ZNF350: variants seen among roughly 807,000 people sequenced by gnomAD.
The protein encoded by ZNF350 is zinc finger protein 350, also known as KRAB zinc finger protein ZFQR.
A neutral mutation model predicts 13.1 loss-of-function variants in ZNF350; 5 were observed. That is an observed-to-expected ratio of 0.38 (90% CI 0.20 to 0.80). ZNF350 has a LOEUF of 0.80. Among genes scored for constraint, ZNF350 ranks in the 30% least tolerant of loss-of-function variants. ZNF350 has a pLI of 0.43. For missense variants in ZNF350, 534 were observed against 644.2 expected (o/e 0.83, Z 1.85); for synonymous variants, 199 against 224.2 (o/e 0.89, Z 1.00).
intron 2 of ZNF350, 161 bp downstream of exon 2, chr19:51,974,185 A>T: frequency 1.5e-6 from 1 of 658,244 alleles, no homozygotes; most frequent in Non-Finnish European, 2.5e-6. Flanking sequence ...TCCTTATCCT[A>T]CTATTTTGCA....
intron 1 of ZNF350, chr19:51,982,049 G>T (rs1039234612): frequency 1.3e-5 from 2 of 151,606 alleles, no homozygotes; most frequent in African/African-American, 4.8e-5. Context: ...AAAGAAAAAA[G>T]AAAAAATTAA....
At chr19:51,967,899 T>G (rs114774453) in intron 4 of ZNF350, among the ~76,000 whole-genome samples, 2,002 of 150,734 alleles carry the variant, frequency 0.013, 46 homozygotes, top group African/African-American at 0.047. Context: ...CAGGGGAGAG[T>G]TGCCATGAAG....
At chr19:51,986,271 C>G (rs552360105) in intron 1 of ZNF350, among the ~76,000 whole-genome samples, 4 of 152,202 alleles carry the variant, frequency 2.6e-5, no homozygotes, top group East Asian at 3.9e-4. Flanking sequence ...AGGTTCGAAC[C>G]TCAACCCAGG....
At chr19:51,982,986 G>A (rs2086081254) in intron 1 of ZNF350, among the ~76,000 whole-genome samples, 1 of 152,158 alleles carries the variant, frequency 6.6e-6, no homozygotes, top group African/African-American at 2.4e-5. Flanking sequence ...AGATCAGACT[G>A]TTACTGTGTC....
At chr19:51,983,136 A>C (rs186477444) in intron 1 of ZNF350, among the ~76,000 whole-genome samples, 7 of 152,326 alleles carry the variant, frequency 4.6e-5, no homozygotes, top group Non-Finnish European at 1.0e-4. Context: ...TCAAGGTTTA[A>C]TGGATTTAGG....
chr19:51,968,623 G>A lies in ZNF350; in HGVS notation c.193C>T (p.Gln65Ter). 6.2e-7 allele frequency: 1 copy of A among 1,614,074 alleles called. No homozygotes were observed. The change falls in exon 4 of 5, where the codon CAA becomes TAA. Residue 65 changes from glutamine to a stop codon, truncating the protein, a stop_gained. Coordinates refer to ENST00000243644, the MANE Select transcript of ZNF350 (RefSeq NM_021632.4). LOFTEE classifies it low-confidence loss of function (END_TRUNC). The part of the protein sequence containing the change: ...DALFKLEQGE[Q>*]LWTIEDGIHS... ...ATTCCATCTTCAATTGTCCACAGTT[G>A]TTCTCCTTGTTCCAACTTGAAGAGT...
chr19:51,967,758 A>G (rs187472536), intron 4 of ZNF350, among the ~76,000 whole-genome samples: 1 of 152,204 alleles, frequency 6.6e-6, no homozygotes. Flanking sequence ...AGACCTTTAA[A>G]GAAGAGAGCT....
intron 1 of ZNF350, among the ~76,000 whole-genome samples, chr19:51,978,615 C>T (rs1370306870): frequency 6.6e-6 from 1 of 152,132 alleles, no homozygotes; most frequent in Non-Finnish European, 1.5e-5. Context: ...ATAGACCTAC[C>T]TGTGTAGTAC....
Position 51,968,410 on chromosome 19 carries a change from G to GT in ZNF350, c.238+167dup, listed in dbSNP as rs142306487. On this transcript the variant is annotated intron_variant, in intron 4 of 4. Transcript: ENST00000243644. Reference sequence around the variant, plus strand: ...AGATAAAGAGTTTTTGTTTTGTTTTGTTTTTTTTTAACTCTAAATTCCTAC... The same window carrying GT: ...AGATAAAGAGTTTTTGTTTTGTTTTGTTTTTTTTTTAACTCTAAATTCCTAC... 2,511 of 620,708 alleles carry GT rather than the reference G, an allele frequency of 4.0e-3. 8 individuals are homozygous for GT. The highest frequency in any genetic ancestry group is 0.02 in the African/African-American group (1,074 of 53,536). 38.5% of individuals were successfully genotyped at this position (620,708 alleles called of 1,614,324 possible). A position where few individuals can be genotyped will look rare whatever the true frequency, so the allele number is the denominator to read the frequency against.
At chr19:51,975,859 G>A (rs570298616) in intron 1 of ZNF350, among the ~76,000 whole-genome samples, 26 of 152,360 alleles carry the variant, frequency 1.7e-4, no homozygotes, top group Non-Finnish European at 3.2e-4. Context: ...GAGTAGCTGA[G>A]TTTACAGGCA....
At chr19:51,966,290 GTTTTTTTTTTT>G in intron 4 of ZNF350, 76 bp from the exon 5 acceptor site, 3 of 1,083,476 alleles carry the variant, frequency 2.8e-6, no homozygotes, top group Non-Finnish European at 3.7e-6. Context: ...TGTTTTTTTT[GTTTTTTTTTTT>G]AAGATGGAGT....
Position 51,972,060 on chromosome 19 carries a change from T to C in ZNF350, c.15+2286A>G, listed in dbSNP as rs370377143. 2.0e-3 allele frequency among the ~76,000 whole-genome samples: 308 copies of C among 152,122 alleles called. 5 individuals carry two copies. The South Asian group carries it at 0.035, about 17-fold the overall frequency. On this transcript the variant is annotated intron_variant, in intron 2 of 4. Coordinates refer to ENST00000243644, the MANE Select transcript of ZNF350 (RefSeq NM_021632.4). ...CCATTATGACAGGTATATAGACAAATGTAATGGGATTTTGCAGTGGTAGAG... is the reference window on the plus strand; with the variant it reads ...CCATTATGACAGGTATATAGACAAACGTAATGGGATTTTGCAGTGGTAGAG...
At chr19:51,969,212 AC>A in intron 2 of ZNF350, 81 bp from the exon 3 acceptor site, 1 of 1,550,382 alleles carries the variant, frequency 6.5e-7, no homozygotes, top group Non-Finnish European at 8.8e-7. Flanking sequence ...GCTCATTTCC[AC>A]TCTACAGGCT....
chr19:51,981,599 G>A (rs1053274579), intron 1 of ZNF350, among the ~76,000 whole-genome samples: 11 of 152,096 alleles, frequency 7.2e-5, no homozygotes, highest in African/African-American at 2.4e-4. Flanking sequence ...AATGATATGG[G>A]AAGCTTGAGA....
In ZNF350 at chr19:51,964,956, A is replaced by G. The variant is rs1165175919; in HGVS notation, c.1497T>C (p.Asp499=). 2 of 1,614,090 alleles carry G rather than the reference A, an allele frequency of 1.2e-6. No homozygotes were observed. The highest frequency in any genetic ancestry group is 2.7e-5 in the African/African-American group (2 of 75,002). The change falls in exon 5 of 5, where the codon GAT becomes GAC. Residue 499 remains aspartate, a synonymous_variant. Transcript: ENST00000243644. ...TTCTGTCCTGTGCAAATCCTCTGTT[A>G]TCTCCTGAGGCTGCACATCTGACCA... ...QPVVRCAASG[D]NRGFAQDRNL...
chr19:51,972,281 C>T (rs1196586247), intron 2 of ZNF350, among the ~76,000 whole-genome samples: 1 of 145,868 alleles, frequency 6.9e-6, no homozygotes, highest in Non-Finnish European at 1.5e-5. Flanking sequence ...CATGACAAGA[C>T]CCCATCTCAA....
intron 4 of ZNF350, among the ~76,000 whole-genome samples, chr19:51,966,992 G>GT (rs1228418517): frequency 2.6e-5 from 4 of 152,068 alleles, no homozygotes; most frequent in Non-Finnish European, 4.4e-5. Context: ...GTGTCTCTTA[G>GT]TAATAACCCT....
At chr19:51,977,028 G>A (rs2122930448) in intron 1 of ZNF350, among the ~76,000 whole-genome samples, 1 of 152,290 alleles carries the variant, frequency 6.6e-6, no homozygotes, top group Non-Finnish European at 1.5e-5. Context: ...AGGAGAGGGA[G>A]GATAAAAATT....
intron 1 of ZNF350, chr19:51,981,074 C>G (rs1017648614): frequency 7.2e-5 from 11 of 152,174 alleles, no homozygotes; most frequent in Non-Finnish European, 1.3e-4. Flanking sequence ...CTGCTGGAGG[C>G]TATATGATCA....
Sources: gnomAD v4.1 joint callset for allele counts (sites outside exome capture counted in the v4.1 genomes callset) on GRCh38, gnomAD v4.1.1 for gene constraint, MANE v1.5 for transcripts, NCBI Gene and HGNC (gene_info 2026-07-23, HGNC 2026-07-21) for gene names.